The following ANKRD18B variants were observed in gnomAD, a reference collection of about 807,000 sequenced individuals.
The protein encoded by ANKRD18B is ankyrin repeat domain-containing protein 18B.
A neutral mutation model predicts 111.8 loss-of-function variants in ANKRD18B; 75 were observed. The ratio of observed to expected loss-of-function variants is 0.67; its 90% confidence interval spans 0.56 to 0.81. The LOEUF is 0.81. ANKRD18B is among the 40% of genes least tolerant of loss of function. The pLI, the probability that ANKRD18B is intolerant of heterozygous loss-of-function variation, is 0.00. For synonymous variants in ANKRD18B, 356 were observed against 417.3 expected (o/e 0.85, Z 1.79); for missense variants, 1,038 against 1,225.5 (o/e 0.85, Z 2.28).
intron 6 of ANKRD18B, 106 bp downstream of exon 6, chr9:33,537,051 C>T (rs994009241): frequency 1.7e-5 from 13 of 784,884 alleles, no homozygotes; most frequent in African/African-American, 1.3e-4. Context: ...AATCCCAGCA[C>T]TTTGGGAGGC....
chr9:33,570,390 A>G (rs1161899219), intron 17 of ANKRD18B, among the ~76,000 whole-genome samples: 2 of 152,026 alleles, frequency 1.3e-5, no homozygotes, highest in Non-Finnish European at 2.9e-5. Flanking sequence ...TCCAAACCTC[A>G]GCATTCCTCA....
At chr9:33,525,774 TC>T (rs1300306656) in intron 1 of ANKRD18B, among the ~76,000 whole-genome samples, 2 of 149,864 alleles carry the variant, frequency 1.3e-5, no homozygotes, top group East Asian at 3.9e-4. Flanking sequence ...AAATATATAT[TC>T]AGATGAAAAG....
At position 33,543,167 on chromosome 9, in the gene ANKRD18B, A is replaced by G. The variant is rs1426655234; in HGVS notation, c.1079-18A>G. ...TTTAAGTCATTCATTTTAACTAAAC[A>G]TATGGATTTGTCAGCAGAACACAAC... On this transcript the variant is annotated intron_variant, in intron 9 of 18. Transcript: ENST00000684830. The G allele has an allele frequency of 1.9e-6, 3 of 1,542,914 alleles. No homozygotes were observed. The highest frequency in any genetic ancestry group is 1.2e-5 in the South Asian group (1 of 82,876).
In ANKRD18B at chr9:33,566,234, G is replaced by T; in HGVS notation, c.2476G>T (p.Ala826Ser). Residue 826 changes from alanine to serine, a missense_variant, in exon 15 of 19, where the codon GCC (alanine) becomes TCC (serine). Coordinates refer to ENST00000684830, the MANE Select transcript of ANKRD18B (RefSeq NM_001393611.1). Reference sequence around the variant, plus strand: ...ATTAATGCAGTTTGATGATCTTATGGCCGAGAAGGAAGCTGTATCTTCAAA... The same window carrying T: ...ATTAATGCAGTTTGATGATCTTATGTCCGAGAAGGAAGCTGTATCTTCAAA... ...KLKQKFDDLM[A>S]EKEAVSSKCV... 2.6e-6 allele frequency: 4 copies of T among 1,556,134 alleles called. No individual in the cohort carries two copies. In the East Asian group the frequency reaches 7.2e-5, roughly 28 times the overall value.
intron 6 of ANKRD18B, among the ~76,000 whole-genome samples, chr9:33,537,248 G>T (rs1252075053): frequency 6.6e-6 from 1 of 152,132 alleles, no homozygotes; most frequent in Non-Finnish European, 1.5e-5. Flanking sequence ...AGTGAGCTGA[G>T]ATTGCACCAC....
At chr9:33,531,244 A>G (rs1337702185) in intron 3 of ANKRD18B, among the ~76,000 whole-genome samples, 2 of 152,170 alleles carry the variant, frequency 1.3e-5, no homozygotes, top group African/African-American at 2.4e-5. Flanking sequence ...GGGTATTATG[A>G]GTGTTAACAG....
intron 3 of ANKRD18B, among the ~76,000 whole-genome samples, chr9:33,530,038 C>G (rs1828088254): frequency 6.6e-6 from 1 of 152,092 alleles, no homozygotes. Flanking sequence ...GTTTACTTGT[C>G]CCTGTTATAC....
intron 5 of ANKRD18B, among the ~76,000 whole-genome samples, chr9:33,535,806 A>G (rs1828190932): frequency 6.9e-6 from 1 of 144,426 alleles, no homozygotes; most frequent in Admixed American, 7.3e-5. Context: ...ATTATAGATT[A>G]TATAATCTAT....
chr9:33,543,127 A>T, intron 9 of ANKRD18B, 58 bp from the exon 10 acceptor site: 4 of 1,402,864 alleles, frequency 2.9e-6, no homozygotes, highest in Non-Finnish European at 3.9e-6. Flanking sequence ...ATCAATTTTT[A>T]TAAAGATTAT....
At chr9:33,536,221 T>G (rs1353229843) in intron 5 of ANKRD18B, among the ~76,000 whole-genome samples, 1 of 152,176 alleles carries the variant, frequency 6.6e-6, no homozygotes, top group Non-Finnish European at 1.5e-5. Flanking sequence ...GAGATAATAA[T>G]ATATTTGTAT....
At position 33,548,452 on chromosome 9, in the gene ANKRD18B, A is replaced by G. The variant is rs1283285876; in HGVS notation, c.1664A>G (p.Asn555Ser). The stretch of plus-strand genomic sequence containing the variant: ...GTCCATAAAGCTCGGGTGAAGTTCA[A>G]TACCTTAAAAGGTAAGCTCCGTGAG... ...EQVHKARVKF[N>S]TLKGKLRETR... The change falls in exon 11 of 19, where the codon AAT (asparagine) becomes AGT (serine). Residue 555 changes from asparagine (N) to serine (S), a missense_variant. Physicochemically the swap from Asn to Ser is conservative, Grantham distance 46. Transcript: ENST00000684830. The G allele has an allele frequency of 8.4e-6, 13 of 1,551,296 alleles. No individual in the cohort carries two copies. The highest frequency in any genetic ancestry group is 4.9e-5 in the East Asian group (2 of 40,914).
At chr9:33,563,187 C>T (rs1409132769) in intron 14 of ANKRD18B, among the ~76,000 whole-genome samples, 4 of 152,154 alleles carry the variant, frequency 2.6e-5, no homozygotes, top group Non-Finnish European at 5.9e-5. Context: ...CTCTTTTCTG[C>T]TACCTAAGTT....
At chr9:33,571,155 G>A (rs1294829396) in intron 17 of ANKRD18B, 91 bp from the exon 18 acceptor site, 4 of 395,994 alleles carry the variant, frequency 1.0e-5, no homozygotes, top group Non-Finnish European at 1.5e-5. Context: ...AAATACTAAA[G>A]GCCACATTTT....
chr9:33,543,378 C>A, intron 10 of ANKRD18B, 123 bp downstream of exon 10: 1 of 782,988 alleles, frequency 1.3e-6, no homozygotes, highest in South Asian at 2.8e-5. Flanking sequence ...AGCATAATTT[C>A]ATGTTGAATT....
At chr9:33,533,708 A>G in intron 4 of ANKRD18B, 163 bp downstream of exon 4, 3 of 1,346,122 alleles carry the variant, frequency 2.2e-6, no homozygotes, top group Non-Finnish European at 2.9e-6. Context: ...AGTTATTTGG[A>G]CTAAGCAACA....
intron 14 of ANKRD18B, among the ~76,000 whole-genome samples, chr9:33,559,208 T>C (rs1039143031): frequency 1.3e-5 from 2 of 152,094 alleles, no homozygotes; most frequent in African/African-American, 4.8e-5. Flanking sequence ...TTGAAATGCA[T>C]CAGGATCTTA....
intron 3 of ANKRD18B, among the ~76,000 whole-genome samples, chr9:33,532,351 A>C (rs544581297): frequency 2.6e-5 from 4 of 152,360 alleles, no homozygotes; most frequent in African/African-American, 9.6e-5. Flanking sequence ...TTTCTGATTT[A>C]TATTTTGCCT....
At chr9:33,527,619 C>T (rs1828045062) in intron 1 of ANKRD18B, among the ~76,000 whole-genome samples, 3 of 152,192 alleles carry the variant, frequency 2.0e-5, no homozygotes, top group Non-Finnish European at 1.5e-5. Flanking sequence ...CGCGCCCGGC[C>T]AGCTGCATGT....
downstream of ANKRD18B, chr9:33,574,699 A>G (rs1016061533): frequency 6.6e-6 from 1 of 152,666 alleles, no homozygotes; most frequent in African/African-American, 2.4e-5. Context: ...TGGAGCAGCT[A>G]GGCCTGGCCA....
Sources: allele counts gnomAD v4.1 joint callset (sites outside exome capture counted in the v4.1 genomes callset), GRCh38; gene constraint gnomAD v4.1.1; transcripts MANE v1.5; gene names NCBI Gene and HGNC (gene_info 2026-07-23, HGNC 2026-07-21).